Variants in COBLL1 observed in about 807,000 individuals in gnomAD.
COBLL1 encodes the protein cordon-bleu WH2 repeat protein like 1.
A neutral mutation model predicts 94.8 loss-of-function variants in COBLL1; 50 were observed. That is an observed-to-expected ratio of 0.53 (90% confidence interval 0.42 to 0.67). The LOEUF (loss-of-function observed/expected upper bound fraction) is 0.67, where lower values mean the gene tolerates loss of function less well. COBLL1 is among the 30% of genes least tolerant of loss of function. COBLL1 has a pLI of 0.00. For synonymous variants in COBLL1, 448 were observed against 473.8 expected (o/e 0.95, Z 0.71); for missense variants, 1,362 against 1,348.7 (o/e 1.01, Z -0.15).
intron 2 of COBLL1, among the ~76,000 whole-genome samples, chr2:164,790,631 T>C (rs1267116053): frequency 6.6e-6 from 1 of 152,084 alleles, no homozygotes; most frequent in Non-Finnish European, 1.5e-5. Context: ...ACTGTATACA[T>C]AAAAAATCTG....
chr2:164,785,862 A>G (rs1688929787), intron 2 of COBLL1, among the ~76,000 whole-genome samples: 1 of 151,994 alleles, frequency 6.6e-6, no homozygotes, highest in Non-Finnish European at 1.5e-5. Context: ...GCTACAGCTG[A>G]TGTCTCCTTT....
downstream of COBLL1, among the ~76,000 whole-genome samples, chr2:164,678,267 C>T (rs777338162): frequency 1.3e-5 from 2 of 151,868 alleles, no homozygotes; most frequent in Admixed American, 1.3e-4. Flanking sequence ...ACCAATGGAA[C>T]AGGAAAATAA....
chr2:164,788,038 A>G (rs1383758200), intron 2 of COBLL1, among the ~76,000 whole-genome samples: 1 of 152,158 alleles, frequency 6.6e-6, no homozygotes, highest in South Asian at 2.1e-4. Flanking sequence ...TACTTTTTGC[A>G]CAGGTTAGCA....
chr2:164,682,916 GA>G lies in COBLL1; in HGVS notation c.*3029del, dbSNP rs1683103298. On this transcript the variant is annotated 3_prime_UTR_variant, in exon 14 of 14. Coordinates refer to ENST00000652658, the MANE Select transcript of COBLL1 (RefSeq NM_001365672.2). ...TACGATCGATCTGTATGTGTAAAAAGAAAAGCTCTTCCAGAACACTGCTGGT... is the reference window on the plus strand; with the variant it reads ...TACGATCGATCTGTATGTGTAAAAAGAAAGCTCTTCCAGAACACTGCTGGT... The G allele has an allele frequency of 6.6e-6, 1 of 151,392 alleles. No homozygotes were observed. The highest frequency in any genetic ancestry group is 2.4e-5 in the African/African-American group (1 of 41,164). 9.4% of individuals were successfully genotyped at this position (151,392 alleles called of 1,614,324 possible).
At chr2:164,672,155 G>A (rs938547058) in intron 1 of COBLL1, among the ~76,000 whole-genome samples, 2 of 152,168 alleles carry the variant, frequency 1.3e-5, no homozygotes, top group African/African-American at 2.4e-5. Flanking sequence ...AGGCCTAGGA[G>A]TTGACTTAGT....
At chr2:164,702,847 A>C (rs1684380675) in intron 9 of COBLL1, among the ~76,000 whole-genome samples, 1 of 152,020 alleles carries the variant, frequency 6.6e-6, no homozygotes, top group Non-Finnish European at 1.5e-5. Context: ...AGTATATATA[A>C]GCCAAATAGA....
intron 2 of COBLL1, among the ~76,000 whole-genome samples, chr2:164,660,607 T>C (rs552232274): frequency 3.3e-5 from 5 of 152,292 alleles, no homozygotes; most frequent in African/African-American, 1.2e-4. Context: ...TCATACTGTG[T>C]TGCTTTGTTA....
chr2:164,755,705 A>G (rs1452600247), intron 2 of COBLL1, among the ~76,000 whole-genome samples: 2 of 152,220 alleles, frequency 1.3e-5, no homozygotes, highest in African/African-American at 4.8e-5. Context: ...AGGTAATGAC[A>G]GGATTCTTTA....
chr2:164,705,995 T>C (rs145701325), intron 7 of COBLL1, among the ~76,000 whole-genome samples: 4,104 of 152,236 alleles, frequency 0.027, 112 homozygotes, highest in African/African-American at 0.077. Context: ...GATTGCGCCA[T>C]TGCACTCGAG....
At chr2:164,703,968 A>C (rs1363004524) in intron 9 of COBLL1, among the ~76,000 whole-genome samples, 4 of 152,228 alleles carry the variant, frequency 2.6e-5, no homozygotes, top group East Asian at 1.9e-4. Context: ...GGAGAGCCAT[A>C]TACTGCAACA....
At chr2:164,741,581 A>T (rs1686598312) in intron 3 of COBLL1, among the ~76,000 whole-genome samples, 1 of 152,098 alleles carries the variant, frequency 6.6e-6, no homozygotes, top group Non-Finnish European at 1.5e-5. Flanking sequence ...ATAGTATTTC[A>T]TTTAATCATA....
In COBLL1 at chr2:164,684,664, A is replaced by G. The variant is rs1321953554; in HGVS notation, c.*1282T>C. On this transcript the variant is annotated 3_prime_UTR_variant, in exon 14 of 14. Transcript: ENST00000652658. ...TCCCTGATAAATGGTAAATCTTACA[A>G]ATTTCTTGTTTGTTCACTGGCTAAT... 6.6e-6 allele frequency: 1 copy of G among 152,144 alleles called. No individual in the cohort carries two copies. The highest frequency in any genetic ancestry group is 2.1e-4 in the South Asian group (1 of 4,836). 9.4% of individuals were successfully genotyped at this position (152,144 alleles called of 1,614,324 possible). A position where few individuals can be genotyped will look rare whatever the true frequency, so the allele number is the denominator to read the frequency against.
intron 11 of COBLL1, among the ~76,000 whole-genome samples, chr2:164,698,787 T>C (rs549680109): frequency 2.6e-5 from 4 of 151,956 alleles, no homozygotes; most frequent in Non-Finnish European, 5.9e-5. Context: ...TGATATGATT[T>C]GGATAAAAAT....
At chr2:164,792,330 T>C (rs1323115341) in intron 2 of COBLL1, among the ~76,000 whole-genome samples, 1 of 152,034 alleles carries the variant, frequency 6.6e-6, no homozygotes. Context: ...GGTCTCACTA[T>C]GTTGCCCAGG....
chr2:164,841,395 C>A lies in COBLL1; in HGVS notation c.-50-149G>T. The A allele has an allele frequency of 8.5e-7, 1 of 1,173,554 alleles. No homozygotes were observed. The highest frequency in any genetic ancestry group is 3.9e-5 in the East Asian group (1 of 25,864). 72.7% of individuals were successfully genotyped at this position (1,173,554 alleles called of 1,614,324 possible). A position where few individuals can be genotyped will look rare whatever the true frequency, so the allele number is the denominator to read the frequency against. Reference sequence around the variant, plus strand: ...GCGCTTCCACCTGCGGGCCCCGGCTCCCAGCCCGCGGGCGCCGCCGCCGTC... The same window carrying A: ...GCGCTTCCACCTGCGGGCCCCGGCTACCAGCCCGCGGGCGCCGCCGCCGTC... On this transcript the variant is annotated intron_variant, in intron 1 of 13. Coordinates refer to ENST00000652658, the MANE Select transcript of COBLL1 (RefSeq NM_001365672.2). The surrounding 1 kb of genome is among the most constrained non-coding windows in gnomAD (Gnocchi z 5.5).
chr2:164,791,849 G>A (rs969687513), intron 2 of COBLL1, among the ~76,000 whole-genome samples: 12 of 150,634 alleles, frequency 8.0e-5, no homozygotes, highest in Non-Finnish European at 7.4e-5. Flanking sequence ...CTTTATATAC[G>A]TATCAAATTC....
At chr2:164,702,470 G>A (rs1011346785) in intron 9 of COBLL1, among the ~76,000 whole-genome samples, 25 of 149,558 alleles carry the variant, frequency 1.7e-4, no homozygotes, top group African/African-American at 4.2e-4. Flanking sequence ...AAGCTGAGGC[G>A]GGAGAATGGC....
At chr2:164,818,566 T>G (rs1434004905) in intron 2 of COBLL1, among the ~76,000 whole-genome samples, 1 of 148,656 alleles carries the variant, frequency 6.7e-6, no homozygotes, top group Non-Finnish European at 1.5e-5. Flanking sequence ...TGTACACATA[T>G]ATAGCATATA....
At position 164,804,983 on chromosome 2, in the gene COBLL1, T is replaced by C. The variant is rs543439785; in HGVS notation, c.41+36173A>G. Among the ~76,000 whole-genome samples, 31 of 152,210 alleles carry C rather than the reference T, an allele frequency of 2.0e-4. No individual in the cohort carries two copies. In the South Asian group the frequency reaches 4.4e-3, roughly 21 times the overall value. On this transcript the variant is annotated intron_variant, in intron 2 of 13. Transcript: ENST00000652658. Reference sequence around the variant, plus strand: ...TTAATAGAAGTTCTAGTGCTTTCTTTCTCATGCCAGTAAGTCATTTTATAT... The same window carrying C: ...TTAATAGAAGTTCTAGTGCTTTCTTCCTCATGCCAGTAAGTCATTTTATAT...
Sources: allele counts gnomAD v4.1 joint callset (sites outside exome capture counted in the v4.1 genomes callset), GRCh38; gene constraint gnomAD v4.1.1; non-coding constraint Gnocchi (gnomAD v3.1); transcripts MANE v1.5; gene names NCBI Gene and HGNC (gene_info 2026-07-23, HGNC 2026-07-21).